The following PAK3 variants were observed in gnomAD, a reference collection of about 807,000 sequenced individuals.
PAK3 encodes the protein serine/threonine-protein kinase PAK 3.
A neutral mutation model predicts 41.0 loss-of-function variants in PAK3; 4 were observed. The observed-to-expected ratio is 0.10, with a 90% confidence interval of 0.05 to 0.22. The LOEUF (loss-of-function observed/expected upper bound fraction) is 0.22. Among genes scored for constraint, PAK3 ranks in the 10% least tolerant of loss-of-function variants. The pLI, the probability that PAK3 is intolerant of heterozygous loss-of-function variation, is 1.00. For missense variants in PAK3, 205 were observed against 409.9 expected, an observed-to-expected ratio of 0.50 and a Z score of 4.32; for synonymous variants, 146 against 139.6, an observed-to-expected ratio of 1.05 and a Z score of -0.32.
chrX:111,016,005 T>C lies in PAK3; in HGVS notation c.-28+71377T>C, dbSNP rs145100686. On this transcript the variant is annotated intron_variant, in intron 1 of 14. Coordinates refer to the PAK3 transcript ENST00000425146. ...CTATTTTTGCTCTTTAGTGTTATTT[T>C]AATGTGTCTATATCCTGTCTTCTCA... Among the ~76,000 whole-genome samples the C allele has an allele frequency of 8.5e-3, 949 of 112,271 alleles. 11 individuals are homozygous for C. Among genetic ancestry groups the C allele is most frequent in the African/African-American group, 0.028 (877 of 30,950 alleles).
In PAK3 at chrX:111,223,541, T is replaced by C. The variant is rs886289396; in HGVS notation, c.*3094T>C. 10 of 109,811 alleles carry C rather than the reference T, an allele frequency of 9.1e-5. No individual in the cohort carries two copies. Among genetic ancestry groups the C allele is most frequent in the Admixed American group, 4.0e-4 (4 of 10,030 alleles). 9.0% of individuals were successfully genotyped at this position (109,811 alleles called of 1,213,427 possible). A position where few individuals can be genotyped will look rare whatever the true frequency, so the allele number is the denominator to read the frequency against. ...ATTTAACTCAAGTATTTATTCTTTATGTTATTCAGATTTCTTTCAGGCTTG... is the reference window on the plus strand; with the variant it reads ...ATTTAACTCAAGTATTTATTCTTTACGTTATTCAGATTTCTTTCAGGCTTG... On this transcript the variant is annotated 3_prime_UTR_variant, in exon 18 of 18. Transcript: ENST00000372007.
chrX:111,212,104 G>C (rs943051914), intron 16 of PAK3, among the ~76,000 whole-genome samples: 2 of 111,387 alleles, frequency 1.8e-5, no homozygotes, highest in Non-Finnish European at 3.8e-5. Context: ...GAAGATTGCT[G>C]GGTGAGGAAG....
chrX:111,176,342 G>A (rs913311823), intron 11 of PAK3, among the ~76,000 whole-genome samples: 1 of 110,017 alleles, frequency 9.1e-6, no homozygotes, highest in Non-Finnish European at 1.9e-5. Context: ...AAGGGGAATG[G>A]GGGGCGAAGG....
intron 1 of PAK3, among the ~76,000 whole-genome samples, chrX:110,998,424 G>A (rs1199828957): frequency 1.8e-5 from 2 of 112,206 alleles, no homozygotes; most frequent in African/African-American, 6.5e-5. Flanking sequence ...ACTGAGAATT[G>A]GCTGTTGAAT....
chrX:111,163,124 C>G lies in PAK3; in HGVS notation c.600+78C>G. Reference sequence around the variant, plus strand: ...GTCATAGAGTTAGAATATAGTTAATCAGCTAGTACCTATTAAGCATCTTTT... The same window carrying G: ...GTCATAGAGTTAGAATATAGTTAATGAGCTAGTACCTATTAAGCATCTTTT... On this transcript the variant is annotated intron_variant, in intron 9 of 17. Transcript: ENST00000372007. 4 of 944,713 alleles carry G rather than the reference C, an allele frequency of 4.2e-6. No homozygotes were observed. The Admixed American group carries it at 8.9e-5, about 21-fold the overall frequency. 77.9% of individuals were successfully genotyped at this position (944,713 alleles called of 1,213,427 possible).
At chrX:111,176,304 G>A (rs781159344) in intron 11 of PAK3, among the ~76,000 whole-genome samples, 14 of 109,862 alleles carry the variant, frequency 1.3e-4, no homozygotes, top group Non-Finnish European at 2.1e-4. Context: ...ATATGGACAT[G>A]GAGGGGAACA....
chrX:110,978,269 T>C (rs2091376328), intron 1 of PAK3, among the ~76,000 whole-genome samples: 1 of 111,623 alleles, frequency 9.0e-6, no homozygotes, highest in Non-Finnish European at 1.9e-5. Flanking sequence ...CTTTTATTTG[T>C]TATTGGTTTC....
upstream of PAK3, among the ~76,000 whole-genome samples, chrX:111,091,817 C>G (rs749384645): frequency 8.9e-6 from 1 of 112,154 alleles, no homozygotes; most frequent in Admixed American, 9.4e-5. Flanking sequence ...AGGCACTGTG[C>G]TCCTAGCCAA....
chrX:110,966,759 G>A, intron 1 of PAK3, among the ~76,000 whole-genome samples: 1 of 111,040 alleles, frequency 9.0e-6, no homozygotes, highest in Middle Eastern at 4.7e-3. Context: ...AATGTTAACA[G>A]TAATCATCTG....
intron 16 of PAK3, among the ~76,000 whole-genome samples, chrX:111,210,973 C>G (rs1417969037): frequency 1.8e-5 from 2 of 111,568 alleles, no homozygotes; most frequent in East Asian, 2.8e-4. Flanking sequence ...GTTTACCTAT[C>G]TAGGAGAGAT....
chrX:110,990,182 C>T (rs538506730), intron 1 of PAK3, among the ~76,000 whole-genome samples: 3 of 111,409 alleles, frequency 2.7e-5, no homozygotes, highest in South Asian at 7.7e-4. Flanking sequence ...TTAGCCTCTC[C>T]GGCACTCAAT....
At chrX:110,950,914 T>C (rs955157088) in intron 1 of PAK3, among the ~76,000 whole-genome samples, 5 of 111,238 alleles carry the variant, frequency 4.5e-5, no homozygotes, top group Non-Finnish European at 9.4e-5. Context: ...CAATTTACCT[T>C]CCCATCAACA....
intron 1 of PAK3, among the ~76,000 whole-genome samples, chrX:111,007,721 T>C (rs2091953404): frequency 8.9e-6 from 1 of 111,857 alleles, no homozygotes; most frequent in African/African-American, 3.3e-5. Context: ...CTTTCCCCTC[T>C]GCCTGTGTGT....
chrX:111,165,103 C>T (rs778974398), intron 10 of PAK3, among the ~76,000 whole-genome samples: 1 of 111,660 alleles, frequency 9.0e-6, no homozygotes, highest in Non-Finnish European at 1.9e-5. Flanking sequence ...CCTCCATCCA[C>T]TTTACAGTAA....
chrX:111,101,854 C>A (rs1431658602), intron 3 of PAK3, among the ~76,000 whole-genome samples: 1 of 112,211 alleles, frequency 8.9e-6, no homozygotes, highest in Non-Finnish European at 1.9e-5. Flanking sequence ...GACAGACATG[C>A]TCTGGAGTCT....
chrX:111,158,989 C>A (rs1033993304), intron 8 of PAK3, among the ~76,000 whole-genome samples: 1 of 111,322 alleles, frequency 9.0e-6, no homozygotes, highest in African/African-American at 3.3e-5. Flanking sequence ...GTTTTTAGAG[C>A]CTAATAGACT....
chrX:110,972,611 A>G (rs2091234227), intron 1 of PAK3, among the ~76,000 whole-genome samples: 1 of 112,225 alleles, frequency 8.9e-6, no homozygotes, highest in Non-Finnish European at 1.9e-5. Context: ...GGGAGAAACC[A>G]GAGCAGAAAG....
intron 17 of PAK3, 129 bp downstream of exon 17, chrX:111,216,687 C>A: frequency 1.7e-6 from 1 of 597,979 alleles, no homozygotes; most frequent in African/African-American, 2.2e-5. Context: ...AGACCACAGG[C>A]ACATAACTAT....
At chrX:111,148,765 C>T (rs183276000) in intron 7 of PAK3, among the ~76,000 whole-genome samples, 2 of 111,155 alleles carry the variant, frequency 1.8e-5, no homozygotes, top group East Asian at 2.9e-4. Context: ...CCTCCCACAA[C>T]ATGTTGGAAT....
Sources: allele counts gnomAD v4.1 joint callset (sites outside exome capture counted in the v4.1 genomes callset), GRCh38; gene constraint gnomAD v4.1.1; transcripts MANE v1.5; gene names NCBI Gene and HGNC (gene_info 2026-07-23, HGNC 2026-07-21).